Variants in GRID2 observed in about 807,000 individuals in gnomAD.
The protein encoded by GRID2 is glutamate ionotropic receptor delta type subunit 2, also known as glutamate receptor ionotropic, delta-2.
A neutral mutation model predicts 114.8 loss-of-function variants in GRID2; 33 were observed. The ratio of observed to expected loss-of-function variants is 0.29; its 90% CI spans 0.22 to 0.38. GRID2 has a LOEUF of 0.38. Ranked by LOEUF, GRID2 falls within the 10% of genes least tolerant of loss-of-function variation. The pLI, the probability that GRID2 is intolerant of heterozygous loss-of-function variation, is 1.00. For synonymous variants in GRID2, 505 were observed against 449.9 expected, an observed-to-expected ratio of 1.12 and a Z score of -1.55; for missense variants, 1,184 against 1,257.7, an observed-to-expected ratio of 0.94 and a Z score of 0.89.
At chr4:93,039,846 C>T (rs1216600950) in intron 2 of GRID2, among the ~76,000 whole-genome samples, 1 of 152,116 alleles carries the variant, frequency 6.6e-6, no homozygotes, top group Admixed American at 6.6e-5. Flanking sequence ...CTGCACAGTG[C>T]CTAACACATG....
rs200788604 is a variant in GRID2, at chr4:93,772,309, A to C, written c.2835A>C (p.Ser945=). Residue 945 remains serine (S), a synonymous_variant, in exon 16 of 16, where the codon TCA becomes TCC. Coordinates refer to ENST00000282020, the MANE Select transcript of GRID2 (RefSeq NM_001510.4). ...EQIQTLSRTL[S]AKAASGFTFG... is the part of the protein sequence containing the mutation. The stretch of plus-strand genomic sequence containing the variant: ...TCCAGACTCTTAGCCGCACACTGTC[A>C]GCTAAAGCTGCTTCTGGTTTCACTT... 6.2e-7 allele frequency: 1 copy of C among 1,614,132 alleles called. No individual in the cohort carries two copies. Among genetic ancestry groups the C allele is most frequent in the Admixed American group, 1.7e-5 (1 of 60,010 alleles).
intron 8 of GRID2, among the ~76,000 whole-genome samples, chr4:93,299,208 A>C (rs190365394): frequency 6.6e-6 from 1 of 152,224 alleles, no homozygotes; most frequent in Admixed American, 6.5e-5. Context: ...ATTCTCAGGC[A>C]CTCGTAGCCC....
At chr4:93,791,236 T>A (rs560731345) in intron 1 of GRID2, among the ~76,000 whole-genome samples, 1 of 152,348 alleles carries the variant, frequency 6.6e-6, no homozygotes, top group Admixed American at 6.5e-5. Context: ...CATTCAGATT[T>A]TGGAAGTATA....
intron 2 of GRID2, among the ~76,000 whole-genome samples, chr4:92,945,170 A>G (rs1441847497): frequency 6.6e-6 from 1 of 152,182 alleles, no homozygotes; most frequent in South Asian, 2.1e-4. Context: ...TTTCTTATGT[A>G]ATCATGCATG....
intron 1 of GRID2, among the ~76,000 whole-genome samples, chr4:92,491,633 T>C (rs1723152581): frequency 6.6e-6 from 1 of 152,126 alleles, no homozygotes. Context: ...ATTTGTCTTG[T>C]ATATGCCTCA....
chr4:93,621,546 C>T (rs1742217355), intron 13 of GRID2, among the ~76,000 whole-genome samples: 1 of 152,024 alleles, frequency 6.6e-6, no homozygotes. Context: ...AAGAACAGGG[C>T]TAGTTGAAAA....
intron 2 of GRID2, among the ~76,000 whole-genome samples, chr4:92,597,754 A>G (rs547918462): frequency 6.6e-6 from 1 of 152,312 alleles, no homozygotes; most frequent in East Asian, 1.9e-4. Flanking sequence ...AAACTGACTC[A>G]TTAGAGGAAT....
intron 2 of GRID2, among the ~76,000 whole-genome samples, chr4:92,774,626 AGG>A (rs1738700245): frequency 8.1e-6 from 1 of 123,810 alleles, no homozygotes; most frequent in Non-Finnish European, 1.6e-5. Context: ...TCTGTCACCC[AGG>A]CTGAAGTGCA....
chr4:92,658,289 T>C (rs1167758715), intron 2 of GRID2, among the ~76,000 whole-genome samples: 5 of 151,840 alleles, frequency 3.3e-5, no homozygotes, highest in African/African-American at 1.2e-4. Context: ...TGATGAATTA[T>C]TCTAATTTCT....
chr4:92,866,759 G>C (rs1256057514), intron 2 of GRID2, among the ~76,000 whole-genome samples: 1 of 151,522 alleles, frequency 6.6e-6, no homozygotes. Flanking sequence ...CACCGTGTTA[G>C]CCAGGATGGT....
chr4:92,982,465 C>T (rs1331060501), intron 2 of GRID2, among the ~76,000 whole-genome samples: 3 of 152,078 alleles, frequency 2.0e-5, no homozygotes, highest in African/African-American at 7.2e-5. Flanking sequence ...GAATAACCTA[C>T]ATAAGTTCTA....
chr4:92,349,563 A>T (rs1727957448), intron 1 of GRID2, among the ~76,000 whole-genome samples: 1 of 151,468 alleles, frequency 6.6e-6, no homozygotes, highest in Admixed American at 6.6e-5. Context: ...TTTTATTTTT[A>T]AAATAAAATG....
intron 13 of GRID2, among the ~76,000 whole-genome samples, chr4:93,571,849 G>A (rs566572705): frequency 2.6e-5 from 4 of 152,190 alleles, no homozygotes; most frequent in African/African-American, 7.2e-5. Context: ...AGGCAGAACC[G>A]AAGTTTCAGA....
At chr4:93,175,248 G>A (rs570886456) in intron 4 of GRID2, among the ~76,000 whole-genome samples, 19 of 152,162 alleles carry the variant, frequency 1.2e-4, no homozygotes, top group Admixed American at 4.6e-4. Context: ...TCGGCTCACC[G>A]CAACCTCTGC....
At chr4:93,194,676 G>T in intron 4 of GRID2, among the ~76,000 whole-genome samples, 1 of 152,186 alleles carries the variant, frequency 6.6e-6, no homozygotes, top group Non-Finnish European at 1.5e-5. Context: ...CAACAAGGCA[G>T]AATGGCTTTG....
At chr4:92,345,059 C>T (rs932897192) in intron 1 of GRID2, among the ~76,000 whole-genome samples, 20 of 152,192 alleles carry the variant, frequency 1.3e-4, no homozygotes, top group African/African-American at 4.8e-4. Context: ...TCCCCTGAGT[C>T]CCAAAGTCCA....
chr4:93,607,472 A>C (rs555920649), intron 13 of GRID2, among the ~76,000 whole-genome samples: 2 of 152,094 alleles, frequency 1.3e-5, no homozygotes, highest in Non-Finnish European at 2.9e-5. Context: ...ACTATTTCCA[A>C]TTTGATGTCA....
intron 8 of GRID2, among the ~76,000 whole-genome samples, chr4:93,309,523 G>A (rs1344809231): frequency 6.6e-6 from 1 of 151,636 alleles, no homozygotes; most frequent in African/African-American, 2.4e-5. Flanking sequence ...TGGTGACAGA[G>A]CAAGACCTTG....
At chr4:92,913,937 T>A (rs1462797786) in intron 2 of GRID2, among the ~76,000 whole-genome samples, 1 of 152,048 alleles carries the variant, frequency 6.6e-6, no homozygotes, top group Non-Finnish European at 1.5e-5. Flanking sequence ...CAGAATTATT[T>A]TAAAAATTAT....
Sources: allele counts gnomAD v4.1 joint callset (sites outside exome capture counted in the v4.1 genomes callset), GRCh38; gene constraint gnomAD v4.1.1; transcripts MANE v1.5; gene names NCBI Gene and HGNC (gene_info 2026-07-23, HGNC 2026-07-21).